TRHDE: variants seen among roughly 807,000 people sequenced by gnomAD.
TRHDE encodes the protein thyrotropin releasing hormone degrading enzyme, also known as thyrotropin-releasing hormone-degrading ectoenzyme.
Under a neutral mutation model 125.7 loss-of-function variants are expected in TRHDE, and 72 were observed. The observed-to-expected ratio is 0.57, with a 90% confidence interval of 0.47 to 0.70. The LOEUF (loss-of-function observed/expected upper bound fraction) is 0.70, where lower values mean the gene tolerates loss of function less well. Ranked by LOEUF, TRHDE falls within the 30% of genes least tolerant of loss-of-function variation. The pLI is 0.00. For missense variants in TRHDE, 1,110 were observed against 1,327.1 expected (o/e 0.84, Z 2.54); for synonymous variants, 509 against 509.1 (o/e 1.00, Z 0.00).
intron 12 of TRHDE, among the ~76,000 whole-genome samples, chr12:72,614,112 C>T (rs1008716629): frequency 1.3e-5 from 2 of 151,740 alleles, no homozygotes; most frequent in Admixed American, 1.3e-4. Flanking sequence ...TAGCATCAAT[C>T]CACAAAGGGG....
Position 72,608,333 on chromosome 12 carries a change from T to G in TRHDE, c.2322-10558T>G, listed in dbSNP as rs1455716223. Among the ~76,000 whole-genome samples the G allele has an allele frequency of 2.6e-5, 4 of 152,192 alleles. No homozygotes were observed. The East Asian group carries it at 7.7e-4, about 29-fold the overall frequency. On this transcript the variant is annotated intron_variant, in intron 12 of 18. Transcript: ENST00000261180. ...TCTTTGTTTGAAGCATTTTTTCTCA[T>G]GTAAATTAAAGATACTTTATATCAT...
At chr12:72,491,258 T>C (rs530958902) in intron 5 of TRHDE, among the ~76,000 whole-genome samples, 1 of 152,030 alleles carries the variant, frequency 6.6e-6, no homozygotes, top group Admixed American at 6.6e-5. Context: ...TTTGCAGTGA[T>C]TTTTTGGGCC....
chr12:72,482,243 A>C (rs1357657580), intron 5 of TRHDE, among the ~76,000 whole-genome samples: 2 of 125,942 alleles, frequency 1.6e-5, no homozygotes, highest in South Asian at 4.5e-4. Flanking sequence ...GATGTGGATA[A>C]ATTTAGGAAA....
At chr12:72,204,712 ATAAC>A (rs1877629779) in intron 2 of TRHDE, among the ~76,000 whole-genome samples, 1 of 152,228 alleles carries the variant, frequency 6.6e-6, no homozygotes, top group Admixed American at 6.5e-5. Context: ...TTTAAGGTCA[ATAAC>A]TATCTTTGAA....
intron 2 of TRHDE, chr12:72,255,404 A>G (rs929442254): frequency 6.6e-6 from 1 of 152,282 alleles, no homozygotes; most frequent in East Asian, 1.9e-4. Flanking sequence ...AATTACTTAC[A>G]GATAGGCAGC....
intron 2 of TRHDE, among the ~76,000 whole-genome samples, chr12:72,230,994 GAAGT>G (rs1217825475): frequency 6.6e-6 from 1 of 152,026 alleles, no homozygotes; most frequent in Non-Finnish European, 1.5e-5. Flanking sequence ...TTGTGAAAAA[GAAGT>G]AACAAAAATG....
chr12:72,162,904 T>G (rs78525712), intron 2 of TRHDE: 132 of 119,816 alleles, frequency 1.1e-3, no homozygotes, highest in African/African-American at 4.3e-3. Context: ...TTGGGGTGGG[T>G]TTTTTTTTTT....
intron 3 of TRHDE, among the ~76,000 whole-genome samples, chr12:72,462,457 T>G (rs1876169586): frequency 6.6e-6 from 1 of 152,166 alleles, no homozygotes; most frequent in African/African-American, 2.4e-5. Flanking sequence ...GGCCCTTTCC[T>G]GGGTGGTGTT....
Position 72,377,991 on chromosome 12 carries a change from T to C in TRHDE, c.1189-4T>C. On this transcript the variant is annotated splice_polypyrimidine_tract_variant and splice_region_variant and intron_variant, in intron 2 of 18. Coordinates refer to ENST00000261180, the MANE Select transcript of TRHDE (RefSeq NM_013381.3). Reference sequence around the variant, plus strand: ...AAGTAACTTTTATATATATTTTTAATTAGGTACGATTATATGCAAGACCTG... The same window carrying C: ...AAGTAACTTTTATATATATTTTTAACTAGGTACGATTATATGCAAGACCTG... The C allele has an allele frequency of 6.4e-7, 1 of 1,564,104 alleles. No homozygotes were observed. Among genetic ancestry groups the C allele is most frequent in the Non-Finnish European group, 8.6e-7 (1 of 1,161,240 alleles).
intron 2 of TRHDE, among the ~76,000 whole-genome samples, chr12:72,322,587 T>G (rs1361925979): frequency 7.1e-6 from 1 of 141,818 alleles, no homozygotes; most frequent in Non-Finnish European, 1.6e-5. Flanking sequence ...CACAGTAACT[T>G]AAACTTGTAT....
At chr12:72,113,932 C>G (rs1340969261) in intron 2 of TRHDE, among the ~76,000 whole-genome samples, 3 of 152,008 alleles carry the variant, frequency 2.0e-5, no homozygotes, top group Non-Finnish European at 4.4e-5. Context: ...GTTCTTTGCA[C>G]TCTAAGAGCT....
At chr12:72,366,117 A>G (rs1048929223) in intron 2 of TRHDE, among the ~76,000 whole-genome samples, 1 of 152,048 alleles carries the variant, frequency 6.6e-6, no homozygotes, top group Non-Finnish European at 1.5e-5. Context: ...CTTAGGATCT[A>G]CTTTGATAAT....
At chr12:72,566,943 C>A (rs1376332833) in intron 9 of TRHDE, among the ~76,000 whole-genome samples, 1 of 151,826 alleles carries the variant, frequency 6.6e-6, no homozygotes, top group Non-Finnish European at 1.5e-5. Flanking sequence ...TTTTCAAGAT[C>A]TAGGTACACA....
At chr12:72,261,966 G>A (rs1164585259) in intron 2 of TRHDE, among the ~76,000 whole-genome samples, 1 of 152,134 alleles carries the variant, frequency 6.6e-6, no homozygotes, top group South Asian at 2.1e-4. Flanking sequence ...AATAAAGTCA[G>A]TTCACAATGG....
At chr12:72,477,773 T>C (rs1251120724) in intron 5 of TRHDE, among the ~76,000 whole-genome samples, 1 of 152,190 alleles carries the variant, frequency 6.6e-6, no homozygotes, top group Non-Finnish European at 1.5e-5. Context: ...AATGGAGAAC[T>C]CCTTATTTTA....
intron 2 of TRHDE, among the ~76,000 whole-genome samples, chr12:72,367,429 C>G (rs1048589472): frequency 9.9e-5 from 15 of 152,064 alleles, no homozygotes; most frequent in African/African-American, 3.6e-4. Context: ...AGTGCCTTCC[C>G]CTTCCTCCTT....
chr12:72,265,895 A>C (rs1879056978), intron 2 of TRHDE, among the ~76,000 whole-genome samples: 1 of 151,916 alleles, frequency 6.6e-6, no homozygotes, highest in Non-Finnish European at 1.5e-5. Context: ...AAATTTACAT[A>C]CAGCGATATG....
intron 3 of TRHDE, among the ~76,000 whole-genome samples, chr12:72,455,716 A>G (rs1296968122): frequency 6.6e-6 from 1 of 152,138 alleles, no homozygotes; most frequent in East Asian, 1.9e-4. Flanking sequence ...TAGAAGTGTC[A>G]GAAATAAAAG....
chr12:72,550,643 A>G (rs1869631537), intron 7 of TRHDE, among the ~76,000 whole-genome samples: 1 of 151,852 alleles, frequency 6.6e-6, no homozygotes. Flanking sequence ...CGCTTTGTCC[A>G]TGTTTGTGAG....
Sources: gnomAD v4.1 joint callset for allele counts (sites outside exome capture counted in the v4.1 genomes callset) on GRCh38, gnomAD v4.1.1 for gene constraint, MANE v1.5 for transcripts, NCBI Gene and HGNC (gene_info 2026-07-23, HGNC 2026-07-21) for gene names.